The following PDE3A variants were observed in gnomAD, a reference collection of about 807,000 sequenced individuals.
The protein encoded by PDE3A is cGMP-inhibited 3',5'-cyclic phosphodiesterase 3A.
A neutral mutation model predicts 98.3 loss-of-function variants in PDE3A; 43 were observed. The observed-to-expected ratio is 0.44, with a 90% CI of 0.34 to 0.56. The LOEUF (loss-of-function observed/expected upper bound fraction) is 0.56. Among genes scored for constraint, PDE3A ranks in the 20% least tolerant of loss-of-function variants. The probability of loss-of-function intolerance (pLI) is 0.01; values close to 1 mark genes in which losing one functional copy is unlikely to be tolerated. For synonymous variants in PDE3A, 663 were observed against 567.9 expected, an observed-to-expected ratio of 1.17 and a Z score of -2.38; for missense variants, 1,427 against 1,440.7, an observed-to-expected ratio of 0.99 and a Z score of 0.15.
chr12:20,568,274 C>T (rs1002597997), intron 2 of PDE3A, among the ~76,000 whole-genome samples: 1 of 151,720 alleles, frequency 6.6e-6, no homozygotes, highest in Non-Finnish European at 1.5e-5. Flanking sequence ...CGTTAAGTTC[C>T]TTTATAAGTA....
intron 4 of PDE3A, among the ~76,000 whole-genome samples, chr12:20,618,269 C>T (rs1944053526): frequency 6.6e-6 from 1 of 152,130 alleles, no homozygotes; most frequent in African/African-American, 2.4e-5. Flanking sequence ...CTAAATACAG[C>T]TAGTTTTGGC....
In PDE3A at chr12:20,552,679, A is replaced by G. The variant is rs943672756; in HGVS notation, c.961-3981A>G. Reference sequence around the variant, plus strand: ...TCTCACGGCCCAGCAGAGCAGCCTCATCAGAGAGGACAAGAGCAACGCCAA... The same window carrying G: ...TCTCACGGCCCAGCAGAGCAGCCTCGTCAGAGAGGACAAGAGCAACGCCAA... On this transcript the variant is annotated intron_variant, in intron 1 of 15. Transcript: ENST00000359062. This position sits in a 1 kb window ranked among gnomAD's most constrained non-coding sequence, Gnocchi z 5.1. 6.7e-5 allele frequency: 108 copies of G among 1,612,472 alleles called. No homozygotes were observed. The highest frequency in any genetic ancestry group is 8.4e-5 in the Non-Finnish European group (99 of 1,178,586).
At chr12:20,629,426 C>T (rs374775196) in intron 5 of PDE3A, among the ~76,000 whole-genome samples, 6 of 152,182 alleles carry the variant, frequency 3.9e-5, no homozygotes, top group African/African-American at 1.4e-4. Context: ...CTCAGTAATG[C>T]ATCTTCTGTA....
intron 1 of PDE3A, among the ~76,000 whole-genome samples, chr12:20,448,751 G>GTTTTTTTTTTTTTTT (rs1265923346): frequency 3.7e-5 from 5 of 134,328 alleles, no homozygotes; most frequent in Non-Finnish European, 6.4e-5. Context: ...TTTATTTTAA[G>GTTTTTTTTTTTTTTT]GTTTTTTTTT....
chr12:20,566,793 A>AT (rs945541929), intron 2 of PDE3A, among the ~76,000 whole-genome samples: 13 of 150,816 alleles, frequency 8.6e-5, no homozygotes, highest in East Asian at 1.9e-4. Flanking sequence ...CGTGCAGTGA[A>AT]TTTTTTTTTT....
chr12:20,526,623 C>T (rs1454039065), intron 1 of PDE3A, among the ~76,000 whole-genome samples: 4 of 151,836 alleles, frequency 2.6e-5, no homozygotes, highest in South Asian at 2.1e-4. Context: ...GTGGTATTTG[C>T]GATAGAAAAG....
At chr12:20,578,800 A>G (rs1943000022) in intron 2 of PDE3A, among the ~76,000 whole-genome samples, 2 of 152,076 alleles carry the variant, frequency 1.3e-5, no homozygotes. Flanking sequence ...CTATAAAGTG[A>G]GCATTGGAAA....
intron 2 of PDE3A, among the ~76,000 whole-genome samples, chr12:20,582,880 T>C (rs1044945220): frequency 6.6e-6 from 1 of 152,236 alleles, no homozygotes; most frequent in Non-Finnish European, 1.5e-5. Context: ...ACAATCTTAA[T>C]ATGCAGAGGG....
intron 1 of PDE3A, among the ~76,000 whole-genome samples, chr12:20,399,315 A>C (rs1261888133): frequency 6.6e-6 from 1 of 152,142 alleles, no homozygotes; most frequent in African/African-American, 2.4e-5. Flanking sequence ...ATATTGTTTA[A>C]AAGTGGCAAT....
intron 3 of PDE3A, among the ~76,000 whole-genome samples, chr12:20,615,265 G>C (rs1015096655): frequency 3.9e-5 from 6 of 152,060 alleles, no homozygotes; most frequent in Non-Finnish European, 7.4e-5. Flanking sequence ...AGTGATCCCA[G>C]ACTCTTGTCT....
At chr12:20,479,423 T>C (rs1945584968) in intron 1 of PDE3A, among the ~76,000 whole-genome samples, 1 of 152,178 alleles carries the variant, frequency 6.6e-6, no homozygotes, top group South Asian at 2.1e-4. Context: ...TGTATTACCT[T>C]TTTACCTAAA....
chr12:20,507,191 T>C (rs1946135356), intron 1 of PDE3A, among the ~76,000 whole-genome samples: 2 of 152,030 alleles, frequency 1.3e-5, no homozygotes, highest in Non-Finnish European at 1.5e-5. Flanking sequence ...TGAGAGACTA[T>C]GCTACATAGC....
intron 1 of PDE3A, among the ~76,000 whole-genome samples, chr12:20,452,477 T>A (rs1945082082): frequency 6.6e-6 from 1 of 152,248 alleles, no homozygotes; most frequent in Non-Finnish European, 1.5e-5. Context: ...CAAATGGTCA[T>A]CCTCTTCTCC....
Position 20,552,352 on chromosome 12 carries a change from G to A in PDE3A, c.961-4308G>A, listed in dbSNP as rs1942235195. On this transcript the variant is annotated intron_variant, in intron 1 of 15. Coordinates refer to ENST00000359062, the MANE Select transcript of PDE3A (RefSeq NM_000921.5). This position sits in a 1 kb window ranked among gnomAD's most constrained non-coding sequence, Gnocchi z 5.1. ...CGAGAAGGGGAAGTCCGGGTTTCTC[G>A]TGTGGCGCTACCTTCTGCGGAGGGA... The A allele has an allele frequency of 8.1e-6, 13 of 1,613,742 alleles. No individual in the cohort carries two copies. Among genetic ancestry groups the A allele is most frequent in the African/African-American group, 6.7e-5 (5 of 74,918 alleles).
At chr12:20,520,586 G>A (rs1248860400) in intron 1 of PDE3A, among the ~76,000 whole-genome samples, 1 of 152,134 alleles carries the variant, frequency 6.6e-6, no homozygotes, top group Non-Finnish European at 1.5e-5. Context: ...GCTATATTGT[G>A]TTTTTTGATA....
intron 13 of PDE3A, among the ~76,000 whole-genome samples, chr12:20,649,941 G>T (rs1944875868): frequency 9.1e-6 from 1 of 109,696 alleles, no homozygotes; most frequent in South Asian, 4.3e-4. Context: ...AAAGAAAAGA[G>T]AAGTAATTGA....
chr12:20,576,542 A>G (rs1308470381), intron 2 of PDE3A, among the ~76,000 whole-genome samples: 1 of 152,154 alleles, frequency 6.6e-6, no homozygotes, highest in Non-Finnish European at 1.5e-5. Context: ...TATCTGGAAA[A>G]TGAAATAAGA....
intron 2 of PDE3A, among the ~76,000 whole-genome samples, chr12:20,584,339 C>G (rs886908764): frequency 1.3e-5 from 2 of 152,132 alleles, no homozygotes; most frequent in African/African-American, 4.8e-5. Context: ...ACAAGCAGTA[C>G]ATGACACCTC....
intron 2 of PDE3A, among the ~76,000 whole-genome samples, chr12:20,613,074 T>G (rs1471602370): frequency 1.3e-5 from 2 of 152,182 alleles, no homozygotes; most frequent in African/African-American, 4.8e-5. Flanking sequence ...AATGTTACTT[T>G]TGGAGTGAAA....
Sources: allele counts gnomAD v4.1 joint callset (sites outside exome capture counted in the v4.1 genomes callset), GRCh38; gene constraint gnomAD v4.1.1; non-coding constraint Gnocchi (gnomAD v3.1); transcripts MANE v1.5; gene names NCBI Gene and HGNC (gene_info 2026-07-23, HGNC 2026-07-21).